The following CCSER1 variants were observed in gnomAD, a reference collection of about 807,000 sequenced individuals.
CCSER1 encodes the protein serine-rich coiled-coil domain-containing protein 1.
A neutral mutation model predicts 82.0 loss-of-function variants in CCSER1; 41 were observed. The ratio of observed to expected loss-of-function variants is 0.50; its 90% CI spans 0.39 to 0.65. The LOEUF (loss-of-function observed/expected upper bound fraction) is 0.65, where lower values mean the gene tolerates loss of function less well. Among genes scored for constraint, CCSER1 ranks in the 30% least tolerant of loss-of-function variants. The pLI is 0.00. For synonymous variants in CCSER1, 414 were observed against 383.9 expected (o/e 1.08, Z -0.92); for missense variants, 1,119 against 1,064.2 (o/e 1.05, Z -0.72).
At chr4:90,699,584 T>A (rs1213770052) in intron 6 of CCSER1, among the ~76,000 whole-genome samples, 2 of 152,202 alleles carry the variant, frequency 1.3e-5, no homozygotes, top group African/African-American at 4.8e-5. Flanking sequence ...TTGCTGACTA[T>A]TCAGAAGTTT....
intron 6 of CCSER1, among the ~76,000 whole-genome samples, chr4:90,712,130 G>T (rs1020197767): frequency 6.6e-6 from 1 of 151,606 alleles, no homozygotes; most frequent in African/African-American, 2.4e-5. Context: ...TGAAGTGTTT[G>T]TCACAGTCTG....
At chr4:90,152,991 C>T (rs1222318594) in intron 1 of CCSER1, among the ~76,000 whole-genome samples, 4 of 149,346 alleles carry the variant, frequency 2.7e-5, no homozygotes, top group Non-Finnish European at 5.9e-5. Flanking sequence ...CCCATTAACT[C>T]GTCATTTAGC....
chr4:91,288,471 C>T (rs1173725929), intron 10 of CCSER1, among the ~76,000 whole-genome samples: 1 of 151,832 alleles, frequency 6.6e-6, no homozygotes, highest in Non-Finnish European at 1.5e-5. Flanking sequence ...ATCAATGAGT[C>T]AAGTGTGAGA....
intron 10 of CCSER1, among the ~76,000 whole-genome samples, chr4:91,306,415 T>C (rs1363504765): frequency 6.6e-6 from 1 of 152,064 alleles, no homozygotes; most frequent in Non-Finnish European, 1.5e-5. Context: ...ATTCTGCTTG[T>C]TTTTAAGCAT....
rs1347933521 is a variant in CCSER1, at chr4:91,568,802, T to C, written c.2218-29770T>C. On this transcript the variant is annotated intron_variant, in intron 10 of 10. Coordinates refer to ENST00000509176, the MANE Select transcript of CCSER1 (RefSeq NM_001145065.2). ...GGTTTAGCCATCTCCTGAATCTTGA[T>C]GATTTTTTTTTCTATCCATATTATG... 2.0e-5 allele frequency among the ~76,000 whole-genome samples: 3 copies of C among 149,728 alleles called. No homozygotes were observed. The East Asian group carries it at 5.9e-4, about 29-fold the overall frequency.
chr4:90,271,860 ATATTTTTTTTTTTT>A (rs1378226089), intron 1 of CCSER1, among the ~76,000 whole-genome samples: 5 of 22,236 alleles, frequency 2.2e-4, no homozygotes, highest in Admixed American at 6.0e-4. Flanking sequence ...ATATATATAT[ATATTTTTTTTTTTT>A]TTTTTTTTTT....
intron 10 of CCSER1, among the ~76,000 whole-genome samples, chr4:91,087,856 C>T (rs1450323712): frequency 6.6e-6 from 1 of 152,150 alleles, no homozygotes; most frequent in Non-Finnish European, 1.5e-5. Context: ...CTTACCTTAA[C>T]TTTCCCTGTG....
Position 91,363,740 on chromosome 4 carries a change from GAT to G in CCSER1, c.2218-234829_2218-234828del, listed in dbSNP as rs754860695. Among the ~76,000 whole-genome samples, 19 of 151,688 alleles carry G rather than the reference GAT, an allele frequency of 1.3e-4. 1 individual carries two copies. The highest frequency in any genetic ancestry group is 2.2e-4 in the Non-Finnish European group (15 of 67,780). ...TGATTTTATTGAACACATTAATTTAGATATGTGTACCTATTCTTTGATCAAGA... is the reference window on the plus strand; with the variant it reads ...TGATTTTATTGAACACATTAATTTAGATGTGTACCTATTCTTTGATCAAGA... On this transcript the variant is annotated intron_variant, in intron 10 of 10. Coordinates refer to ENST00000509176, the MANE Select transcript of CCSER1 (RefSeq NM_001145065.2).
chr4:91,470,717 G>A (rs935859944), intron 10 of CCSER1, among the ~76,000 whole-genome samples: 4 of 152,058 alleles, frequency 2.6e-5, no homozygotes, highest in Admixed American at 2.6e-4. Flanking sequence ...TAATTAATAA[G>A]CCATATCTGC....
Position 90,308,875 on chromosome 4 carries a change from G to A in CCSER1, c.591G>A (p.Gln197=), listed in dbSNP as rs1477340334. The A allele has an allele frequency of 2.5e-6, 4 of 1,613,832 alleles. No homozygotes were observed. Among genetic ancestry groups the A allele is most frequent in the South Asian group, 1.1e-5 (1 of 91,080 alleles). Reference sequence around the variant, plus strand: ...ATAAATTTTCTAAGCCAGTTCTACAGAGCCAATCCATTTCATTGGTACAAC... The same window carrying A: ...ATAAATTTTCTAAGCCAGTTCTACAAAGCCAATCCATTTCATTGGTACAAC... ...SHYKFSKPVL[Q]SQSISLVQQS... is the part of the protein sequence containing the mutation. The change falls in exon 2 of 11, where the codon CAG becomes CAA. Residue 197 remains glutamine (Q), a synonymous_variant. Transcript: ENST00000509176.
At chr4:90,988,334 CAAAAAAAAAAA>C (rs60408059) in intron 9 of CCSER1, among the ~76,000 whole-genome samples, 10 of 75,384 alleles carry the variant, frequency 1.3e-4, no homozygotes, top group African/African-American at 4.7e-4. Context: ...TATCTTGTCT[CAAAAAAAAAAA>C]AAAAAAAAAA....
At chr4:90,295,709 G>A (rs1054552640) in intron 1 of CCSER1, among the ~76,000 whole-genome samples, 1 of 151,872 alleles carries the variant, frequency 6.6e-6, no homozygotes, top group African/African-American at 2.4e-5. Flanking sequence ...ACTGGCATAG[G>A]ATACCAAAGA....
chr4:91,372,082 G>T (rs998127903), intron 10 of CCSER1, among the ~76,000 whole-genome samples: 2 of 152,080 alleles, frequency 1.3e-5, no homozygotes, highest in Non-Finnish European at 2.9e-5. Flanking sequence ...AATTACCTTT[G>T]ACACACTTCT....
intron 6 of CCSER1, among the ~76,000 whole-genome samples, chr4:90,637,963 T>C (rs1407774612): frequency 1.3e-5 from 2 of 152,188 alleles, no homozygotes; most frequent in African/African-American, 4.8e-5. Context: ...CTTAAATTCC[T>C]TTTGGGGTTG....
chr4:90,150,151 C>T (rs562960360), intron 1 of CCSER1, among the ~76,000 whole-genome samples: 2 of 152,234 alleles, frequency 1.3e-5, no homozygotes, highest in South Asian at 4.1e-4. Flanking sequence ...GCTGATTTTT[C>T]CTATCTGCTA....
chr4:91,445,540 A>G (rs1331482113), intron 10 of CCSER1, among the ~76,000 whole-genome samples: 1 of 151,900 alleles, frequency 6.6e-6, no homozygotes, highest in Non-Finnish European at 1.5e-5. Flanking sequence ...TATATTTTTG[A>G]TTTTATGAAA....
chr4:91,243,504 C>T (rs987186273), intron 10 of CCSER1, among the ~76,000 whole-genome samples: 1 of 152,202 alleles, frequency 6.6e-6, no homozygotes, highest in African/African-American at 2.4e-5. Context: ...ATGAAAGTGA[C>T]TCATTCCTTC....
At position 90,627,542 on chromosome 4, in the gene CCSER1, T is replaced by C. The variant is rs555779748; in HGVS notation, c.1725-483T>C. ...TACAATATTAATTATCATTATTGGA[T>C]AGGTCTTTTGGTTTTAAAAATGGAA... On this transcript the variant is annotated intron_variant, in intron 5 of 10. Transcript: ENST00000509176. 3.0e-4 allele frequency among the ~76,000 whole-genome samples: 46 copies of C among 152,280 alleles called. No homozygotes were observed. The South Asian group carries it at 6.4e-3, about 21-fold the overall frequency.
At chr4:90,719,031 G>A (rs1249434303) in intron 6 of CCSER1, among the ~76,000 whole-genome samples, 1 of 151,854 alleles carries the variant, frequency 6.6e-6, no homozygotes, top group Admixed American at 6.6e-5. Flanking sequence ...TTTATTACAG[G>A]GCTCCTCAAC....
Sources: gnomAD v4.1 joint callset for allele counts (sites outside exome capture counted in the v4.1 genomes callset) on GRCh38, gnomAD v4.1.1 for gene constraint, MANE v1.5 for transcripts, NCBI Gene and HGNC (gene_info 2026-07-23, HGNC 2026-07-21) for gene names.